Variants in EXOC2 observed in about 807,000 individuals in gnomAD.
The protein encoded by EXOC2 is SEC5-like 1.
EXOC2 carries 70 observed loss-of-function variants against 131.8 expected under a neutral mutation model. That is an observed-to-expected ratio of 0.53 (90% CI 0.44 to 0.65). The LOEUF (loss-of-function observed/expected upper bound fraction) is 0.65. Ranked by LOEUF, EXOC2 falls within the 30% of genes least tolerant of loss-of-function variation. The probability of loss-of-function intolerance (pLI) is 0.00; values close to 1 mark genes in which losing one functional copy is unlikely to be tolerated. For missense variants in EXOC2, 923 were observed against 1,108.6 expected (o/e 0.83, Z 2.38); for synonymous variants, 411 against 398.4 (o/e 1.03, Z -0.38).
At chr6:591,014 T>C (rs886088703) in intron 11 of EXOC2, among the ~76,000 whole-genome samples, 1 of 152,194 alleles carries the variant, frequency 6.6e-6, no homozygotes, top group African/African-American at 2.4e-5. Context: ...TAGCTGCCAG[T>C]CAGCCATCTG....
intron 23 of EXOC2, among the ~76,000 whole-genome samples, chr6:526,606 A>G (rs1272333010): frequency 4.0e-5 from 6 of 151,634 alleles, no homozygotes; most frequent in East Asian, 1.9e-4. Flanking sequence ...GTGCCCGGTT[A>G]ATTTTATATT....
chr6:673,592 A>G (rs79235180), intron 1 of EXOC2, among the ~76,000 whole-genome samples: 7,269 of 152,298 alleles, frequency 0.048, 301 homozygotes, highest in South Asian at 0.17. Flanking sequence ...TCAGAAGTAC[A>G]GCATAATGCA....
At position 658,629 on chromosome 6, in the gene EXOC2, A is replaced by AAT. The variant is rs1194005316; in HGVS notation, c.-43-20770_-43-20769dup. 9.1e-3 allele frequency among the ~76,000 whole-genome samples: 1,085 copies of AAT among 119,872 alleles called. 24 individuals carry two copies. The highest frequency in any genetic ancestry group is 0.033 in the African/African-American group (1,014 of 31,172). 78.6% of individuals were successfully genotyped at this position (119,872 alleles called of 152,430 possible). A position where few individuals can be genotyped will look rare whatever the true frequency, so the allele number is the denominator to read the frequency against. On this transcript the variant is annotated intron_variant, in intron 1 of 27. Coordinates refer to ENST00000230449, the MANE Select transcript of EXOC2 (RefSeq NM_018303.6). ...TTCAAGATAATTTCAGGATATTTAA[A>AAT]ATATATATATATATTTTATATATAT...
intron 22 of EXOC2, among the ~76,000 whole-genome samples, chr6:537,227 C>A (rs1057169856): frequency 1.3e-5 from 2 of 151,274 alleles, no homozygotes; most frequent in African/African-American, 4.9e-5. Context: ...GGAGCGCACA[C>A]ACGAGATGAC....
chr6:507,123 CATACACACACACAT>C (rs1424264400), intron 23 of EXOC2, among the ~76,000 whole-genome samples: 1 of 43,270 alleles, frequency 2.3e-5, no homozygotes. Context: ...TGACTACACA[CATACACACACACAT>C]ACACACACAC....
chr6:558,463 T>C (rs1757534981), intron 17 of EXOC2, among the ~76,000 whole-genome samples: 1 of 152,214 alleles, frequency 6.6e-6, no homozygotes, highest in South Asian at 2.1e-4. Flanking sequence ...GTTACAATGA[T>C]AATTATTACT....
At chr6:547,429 C>T (rs994617329) in intron 22 of EXOC2, among the ~76,000 whole-genome samples, 1 of 152,210 alleles carries the variant, frequency 6.6e-6, no homozygotes, top group Non-Finnish European at 1.5e-5. Flanking sequence ...CTATGAGAGA[C>T]CCTCATCTTC....
At chr6:650,507 GTA>G (rs1762782474) in intron 1 of EXOC2, among the ~76,000 whole-genome samples, 1 of 152,136 alleles carries the variant, frequency 6.6e-6, no homozygotes, top group Non-Finnish European at 1.5e-5. Flanking sequence ...CGTTTTTACT[GTA>G]TAATTACACA....
intron 11 of EXOC2, among the ~76,000 whole-genome samples, chr6:591,094 C>T (rs949652740): frequency 3.3e-5 from 5 of 152,224 alleles, no homozygotes; most frequent in Admixed American, 6.5e-5. Flanking sequence ...TATTCCTGAA[C>T]GGCCCTGGAG....
chr6:624,350 A>C (rs1223655704), intron 4 of EXOC2, among the ~76,000 whole-genome samples: 1 of 152,256 alleles, frequency 6.6e-6, no homozygotes, highest in Non-Finnish European at 1.5e-5. Context: ...AAGTTATTCC[A>C]TTATGAATGG....
intron 10 of EXOC2, among the ~76,000 whole-genome samples, chr6:597,564 A>G (rs1347905829): frequency 1.3e-5 from 2 of 152,212 alleles, no homozygotes; most frequent in African/African-American, 4.8e-5. Context: ...TGGAAATCAG[A>G]AAGCTATTCA....
intron 23 of EXOC2, among the ~76,000 whole-genome samples, chr6:516,538 G>T (rs1323512709): frequency 6.6e-6 from 1 of 152,224 alleles, no homozygotes; most frequent in Non-Finnish European, 1.5e-5. Context: ...GGGATCAAAA[G>T]AAAGGCAGGT....
chr6:493,494 A>C (rs1431588622), intron 25 of EXOC2, among the ~76,000 whole-genome samples: 2 of 152,256 alleles, frequency 1.3e-5, no homozygotes, highest in African/African-American at 2.4e-5. Context: ...GAGTGTTTTA[A>C]TTAACCTGTA....
intron 23 of EXOC2, among the ~76,000 whole-genome samples, chr6:529,112 T>C (rs762692673): frequency 1.3e-5 from 1 of 74,102 alleles, no homozygotes; most frequent in Non-Finnish European, 3.5e-5. Context: ...ATCGCCTGCC[T>C]TTTACCCCCC....
At chr6:544,353 AT>A (rs144614698) in intron 22 of EXOC2, among the ~76,000 whole-genome samples, 224 of 152,266 alleles carry the variant, frequency 1.5e-3, no homozygotes, top group African/African-American at 5.2e-3. Context: ...CTAAGTATGT[AT>A]GTTTATTCTT....
At chr6:638,759 G>A (rs1018037299) in intron 1 of EXOC2, among the ~76,000 whole-genome samples, 3 of 152,036 alleles carry the variant, frequency 2.0e-5, no homozygotes, top group Non-Finnish European at 2.9e-5. Flanking sequence ...GTGAAACCCC[G>A]TCTTTACTAA....
intron 11 of EXOC2, among the ~76,000 whole-genome samples, chr6:584,615 G>A (rs9504377): frequency 2.7e-3 from 418 of 152,234 alleles, no homozygotes; most frequent in African/African-American, 9.4e-3. Flanking sequence ...GTGAAGACTC[G>A]AAATAAACCA....
At chr6:516,384 C>CA in intron 23 of EXOC2, among the ~76,000 whole-genome samples, 1 of 152,286 alleles carries the variant, frequency 6.6e-6, no homozygotes, top group African/African-American at 2.4e-5. Flanking sequence ...TCAATGTTCC[C>CA]ACGCACAGAG....
At chr6:598,777 A>G (rs78860774) in intron 9 of EXOC2, 83 bp downstream of exon 9, 58,336 of 1,137,964 alleles carry the variant, frequency 0.051, 2,646 homozygotes, top group African/African-American at 0.21. Context: ...CTAAAAACTC[A>G]TATAACATTC....
Sources: gnomAD v4.1 joint callset for allele counts (sites outside exome capture counted in the v4.1 genomes callset) on GRCh38, gnomAD v4.1.1 for gene constraint, MANE v1.5 for transcripts, NCBI Gene and HGNC (gene_info 2026-07-23, HGNC 2026-07-21) for gene names.